PPP1R9A: variants seen among roughly 807,000 people sequenced by gnomAD.
PPP1R9A encodes protein phosphatase 1 regulatory subunit 9A.
A neutral mutation model predicts 141.9 loss-of-function variants in PPP1R9A; 59 were observed. The ratio of observed to expected loss-of-function variants is 0.42; its 90% CI spans 0.34 to 0.52. The LOEUF is 0.52. PPP1R9A is among the 20% of genes least tolerant of loss of function. PPP1R9A has a pLI of 0.10. For missense variants in PPP1R9A, 1,444 were observed against 1,611.9 expected, an observed-to-expected ratio of 0.90 and a Z score of 1.78; for synonymous variants, 500 against 569.7, an observed-to-expected ratio of 0.88 and a Z score of 1.74.
rs116528408 is a variant in PPP1R9A, at chr7:95,195,744, G to A, written c.1755-2605G>A. On this transcript the variant is annotated intron_variant, in intron 5 of 19. Coordinates refer to ENST00000433360, the MANE Select transcript of PPP1R9A (RefSeq NM_001166160.2). ...ATGTATATTGAACATACATGGACAA[G>A]GATATGTGTCAAGAATATATAAAGG... Among the ~76,000 whole-genome samples, 1,367 of 152,044 alleles carry A rather than the reference G, an allele frequency of 9.0e-3. 19 individuals are homozygous for A. The highest frequency in any genetic ancestry group is 0.032 in the African/African-American group (1,313 of 41,496).
Position 95,198,487 on chromosome 7 carries a change from C to T in PPP1R9A, c.1890+3C>T, listed in dbSNP as rs766757712. On this transcript the variant is annotated splice_donor_region_variant and intron_variant, in intron 6 of 19. Coordinates refer to ENST00000433360, the MANE Select transcript of PPP1R9A (RefSeq NM_001166160.2). ...AGTATGATGCCGACGATGACGAGGTCAGTAGTGCTTGCAAAGATTCTTTTT... is the reference window on the plus strand; with the variant it reads ...AGTATGATGCCGACGATGACGAGGTTAGTAGTGCTTGCAAAGATTCTTTTT... The T allele has an allele frequency of 3.2e-6, 5 of 1,552,700 alleles. No homozygotes were observed. In the East Asian group the frequency reaches 9.2e-5, roughly 29 times the overall value.
At chr7:95,012,950 G>A (rs1345851389) in intron 2 of PPP1R9A, among the ~76,000 whole-genome samples, 1 of 152,118 alleles carries the variant, frequency 6.6e-6, no homozygotes, top group Non-Finnish European at 1.5e-5. Context: ...TAGCGGGATG[G>A]GATGACTTCT....
intron 5 of PPP1R9A, among the ~76,000 whole-genome samples, chr7:95,181,876 A>G (rs1384446971): frequency 1.3e-5 from 2 of 150,438 alleles, no homozygotes; most frequent in African/African-American, 4.9e-5. Context: ...AATGGCATTC[A>G]CGGCAACCTC....
intron 4 of PPP1R9A, among the ~76,000 whole-genome samples, chr7:95,158,269 T>A (rs1829946490): frequency 6.6e-6 from 1 of 152,152 alleles, no homozygotes; most frequent in Non-Finnish European, 1.5e-5. Context: ...TGAAAAAAAA[T>A]AAAATTAGAT....
intron 2 of PPP1R9A, among the ~76,000 whole-genome samples, chr7:94,921,665 G>A (rs1490664475): frequency 1.3e-5 from 2 of 150,204 alleles, no homozygotes; most frequent in African/African-American, 2.5e-5. Context: ...CTTATTGTAG[G>A]ATGTTTGAAT....
intron 14 of PPP1R9A, among the ~76,000 whole-genome samples, chr7:95,271,305 A>G (rs985510607): frequency 2.0e-5 from 3 of 152,216 alleles, no homozygotes; most frequent in African/African-American, 7.2e-5. Context: ...ACCACCAGGT[A>G]TGGAGAAGCT....
intron 2 of PPP1R9A, chr7:95,098,183 G>A (rs944200985): frequency 2.0e-5 from 3 of 152,106 alleles, no homozygotes; most frequent in Admixed American, 2.0e-4. Context: ...TTAAATAACT[G>A]GGAATTGTAG....
At chr7:95,069,476 T>C (rs1361992415) in intron 2 of PPP1R9A, among the ~76,000 whole-genome samples, 1 of 151,846 alleles carries the variant, frequency 6.6e-6, no homozygotes, top group East Asian at 1.9e-4. Flanking sequence ...TGAAGTACTT[T>C]AGGGAGAGAG....
chr7:95,038,890 A>G (rs892440614), intron 2 of PPP1R9A, among the ~76,000 whole-genome samples: 7 of 152,180 alleles, frequency 4.6e-5, no homozygotes, highest in East Asian at 3.9e-4. Flanking sequence ...ACTTAAAGAA[A>G]CCCATAGTTA....
At chr7:95,098,557 A>T (rs566660145) in intron 2 of PPP1R9A, among the ~76,000 whole-genome samples, 8 of 151,988 alleles carry the variant, frequency 5.3e-5, no homozygotes, top group Admixed American at 5.2e-4. Flanking sequence ...TCACCCACTT[A>T]TTTGGCCTCA....
At chr7:95,059,494 CT>C (rs1464313419) in intron 2 of PPP1R9A, among the ~76,000 whole-genome samples, 1 of 152,124 alleles carries the variant, frequency 6.6e-6, no homozygotes, top group Non-Finnish European at 1.5e-5. Context: ...TCAGCCCAGA[CT>C]TTAGAAGGCC....
chr7:95,215,629 A>T (rs990359856), intron 7 of PPP1R9A, among the ~76,000 whole-genome samples: 1 of 152,046 alleles, frequency 6.6e-6, no homozygotes, highest in Non-Finnish European at 1.5e-5. Context: ...CCTCTCCAGC[A>T]CCTTTTGTTT....
chr7:95,078,868 T>C (rs1815305540), intron 2 of PPP1R9A, among the ~76,000 whole-genome samples: 1 of 152,114 alleles, frequency 6.6e-6, no homozygotes, highest in Non-Finnish European at 1.5e-5. Context: ...TCATTGTAGA[T>C]TCTGGATATT....
chr7:94,997,111 C>T (rs568267256), intron 2 of PPP1R9A, among the ~76,000 whole-genome samples: 1 of 152,000 alleles, frequency 6.6e-6, no homozygotes, highest in South Asian at 2.1e-4. Flanking sequence ...GCCAGATACT[C>T]TGTATGTTTT....
chr7:95,239,829 A>G (rs1183993350), intron 8 of PPP1R9A, among the ~76,000 whole-genome samples: 3 of 151,884 alleles, frequency 2.0e-5, no homozygotes, highest in Admixed American at 6.6e-5. Flanking sequence ...TAAGAACAAA[A>G]TATAATTTGA....
Position 95,106,017 on chromosome 7 carries a change from G to A in PPP1R9A, c.1396-5242G>A, listed in dbSNP as rs77086185. ...TGCCTATAATCCCAGTACTTTGGGAGACCAAGGTGGAAGGATCGTTTGAGG... is the reference window on the plus strand; with the variant it reads ...TGCCTATAATCCCAGTACTTTGGGAAACCAAGGTGGAAGGATCGTTTGAGG... On this transcript the variant is annotated intron_variant, in intron 2 of 19. Coordinates refer to ENST00000433360, the MANE Select transcript of PPP1R9A (RefSeq NM_001166160.2). Among the ~76,000 whole-genome samples the A allele has an allele frequency of 6.9e-3, 1,048 of 152,292 alleles. 14 individuals are homozygous for A. The highest frequency in any genetic ancestry group is 0.024 in the African/African-American group (1,003 of 41,552).
chr7:94,946,238 G>A (rs1383806253), intron 2 of PPP1R9A, among the ~76,000 whole-genome samples: 5 of 152,040 alleles, frequency 3.3e-5, no homozygotes, highest in Admixed American at 2.0e-4. Context: ...ATAAAAATGT[G>A]TGAAGCAACT....
At chr7:95,072,988 T>G (rs938242751) in intron 2 of PPP1R9A, among the ~76,000 whole-genome samples, 1 of 134,532 alleles carries the variant, frequency 7.4e-6, no homozygotes, top group Non-Finnish European at 1.5e-5. Context: ...AATAATATTA[T>G]TATTATTATT....
At chr7:94,970,190 G>A (rs1798705545) in intron 2 of PPP1R9A, among the ~76,000 whole-genome samples, 1 of 152,056 alleles carries the variant, frequency 6.6e-6, no homozygotes. Flanking sequence ...GTGCCACTGG[G>A]GTATGAAAAA....
Sources: allele counts gnomAD v4.1 joint callset (sites outside exome capture counted in the v4.1 genomes callset), GRCh38; gene constraint gnomAD v4.1.1; transcripts MANE v1.5; gene names NCBI Gene and HGNC (gene_info 2026-07-23, HGNC 2026-07-21).